The following B3GAT2 variants were observed in gnomAD, a reference collection of about 807,000 sequenced individuals.
B3GAT2 encodes beta-1,3-glucuronyltransferase 2, also known as galactosylgalactosylxylosylprotein 3-beta-glucuronosyltransferase 2.
B3GAT2 carries 26 observed loss-of-function variants against 27.8 expected under a neutral mutation model. The observed-to-expected ratio is 0.93, with a 90% CI of 0.68 to 1.30. The LOEUF (loss-of-function observed/expected upper bound fraction) is 1.30. Among genes scored for constraint, B3GAT2 ranks in the 50% most tolerant of loss-of-function variants. B3GAT2 has a pLI of 0.00. For missense variants in B3GAT2, 458 were observed against 459.0 expected (o/e 1.00, Z 0.02); for synonymous variants, 218 against 195.1 (o/e 1.12, Z -0.98).
intron 1 of B3GAT2, among the ~76,000 whole-genome samples, chr6:70,919,800 A>C (rs1437396891): frequency 1.3e-5 from 2 of 152,052 alleles, no homozygotes; most frequent in Non-Finnish European, 2.9e-5. Flanking sequence ...CGCCTGTATG[A>C]GATGTCTGTT....
At chr6:70,935,753 C>A (rs977054982) in intron 1 of B3GAT2, among the ~76,000 whole-genome samples, 1 of 152,068 alleles carries the variant, frequency 6.6e-6, no homozygotes, top group Non-Finnish European at 1.5e-5. Flanking sequence ...CTGAAGGAAG[C>A]ACTAAACATG....
chr6:70,947,371 T>A (rs1445275172), intron 1 of B3GAT2, among the ~76,000 whole-genome samples: 1 of 151,232 alleles, frequency 6.6e-6, no homozygotes, highest in Non-Finnish European at 1.5e-5. Context: ...AAAAATCAAA[T>A]AGACACAAAA....
At chr6:70,940,441 C>G (rs1765374500) in intron 1 of B3GAT2, among the ~76,000 whole-genome samples, 1 of 152,086 alleles carries the variant, frequency 6.6e-6, no homozygotes, top group South Asian at 2.1e-4. Context: ...ATATTCCTAA[C>G]CTTCCCAGCC....
At chr6:70,890,219 C>A (rs1411454191) in intron 2 of B3GAT2, among the ~76,000 whole-genome samples, 1 of 152,076 alleles carries the variant, frequency 6.6e-6, no homozygotes, top group Non-Finnish European at 1.5e-5. Flanking sequence ...CGCCACTGTC[C>A]ACCCTAACAC....
rs1435818198 is a variant in B3GAT2 at position 70,956,397 on chromosome 6, G to A, written c.33C>T (p.Ile11=). 3 of 1,553,104 alleles carry A rather than the reference G, an allele frequency of 1.9e-6. No individual in the cohort carries two copies. Among genetic ancestry groups the A allele is most frequent in the Admixed American group, 2.0e-5 (1 of 51,090 alleles). The change falls in exon 1 of 4, where the codon ATC becomes ATT. Residue 11 remains isoleucine (I), a synonymous_variant. Coordinates refer to ENST00000230053, the MANE Select transcript of B3GAT2 (RefSeq NM_080742.3). ...TGACAATTAGGATCCAGGGCAGGAGGATAAAGAAGCGGGTGAAAAGCGCGG... is the reference window on the plus strand; with the variant it reads ...TGACAATTAGGATCCAGGGCAGGAGAATAAAGAAGCGGGTGAAAAGCGCGG... MKSALFTRFF[I]LLPWILIVII...
At chr6:70,872,903 T>G (rs1771960119) in intron 2 of B3GAT2, among the ~76,000 whole-genome samples, 2 of 152,016 alleles carry the variant, frequency 1.3e-5, no homozygotes, top group South Asian at 4.1e-4. Flanking sequence ...TTCTAACAGT[T>G]TAGTTCAGAT....
rs139514119 is a variant in B3GAT2, at chr6:70,861,593, C to G, written c.*70G>C. The G allele has an allele frequency of 7.0e-3, 9,914 of 1,415,460 alleles. 57 individuals are homozygous for G. Among genetic ancestry groups the G allele is most frequent in the Middle Eastern group, 0.035 (196 of 5,542 alleles). 87.7% of individuals were successfully genotyped at this position (1,415,460 alleles called of 1,614,324 possible). On this transcript the variant is annotated 3_prime_UTR_variant, in exon 4 of 4. Coordinates refer to ENST00000230053, the MANE Select transcript of B3GAT2 (RefSeq NM_080742.3). Reference sequence around the variant, plus strand: ...CAAACAATACCTGAATGCTCTGTAGCCTAAACTCCAAACATCCTCTTCCAT... The same window carrying G: ...CAAACAATACCTGAATGCTCTGTAGGCTAAACTCCAAACATCCTCTTCCAT...
intron 1 of B3GAT2, among the ~76,000 whole-genome samples, chr6:70,901,139 T>C (rs1390968026): frequency 6.6e-6 from 1 of 152,336 alleles, no homozygotes; most frequent in East Asian, 1.9e-4. Flanking sequence ...AATACACCTA[T>C]AACTTTCCTT....
Position 70,860,523 on chromosome 6 carries a change from C to T in B3GAT2, c.*1140G>A. 1.9e-6 allele frequency: 1 copy of T among 534,828 alleles called. No homozygotes were observed. The allele number at this position is 534,828 out of a possible 1,614,324, so 33.1% of individuals were successfully genotyped here. A position where few individuals can be genotyped will look rare whatever the true frequency, so the allele number is the denominator to read the frequency against. On this transcript the variant is annotated 3_prime_UTR_variant, in exon 4 of 4. Transcript: ENST00000230053. Reference sequence around the variant, plus strand: ...TGTGGTGAAAAGCAGGTTGATAAATCATTTTATGTCAAGGGCAGCTTTGCT... The same window carrying T: ...TGTGGTGAAAAGCAGGTTGATAAATTATTTTATGTCAAGGGCAGCTTTGCT...
chr6:70,948,682 A>G (rs1377643497), intron 1 of B3GAT2, among the ~76,000 whole-genome samples: 2 of 151,776 alleles, frequency 1.3e-5, no homozygotes, highest in Non-Finnish European at 3.0e-5. Context: ...ATTCAATGCC[A>G]TCCCCATCAA....
At chr6:70,915,945 T>C (rs1282065902) in intron 1 of B3GAT2, among the ~76,000 whole-genome samples, 1 of 152,210 alleles carries the variant, frequency 6.6e-6, no homozygotes, top group African/African-American at 2.4e-5. Flanking sequence ...GTGAAGTCAG[T>C]GATAGCTTGA....
intron 1 of B3GAT2, among the ~76,000 whole-genome samples, chr6:70,939,220 T>G (rs1426925378): frequency 7.2e-6 from 1 of 138,558 alleles, no homozygotes; most frequent in Non-Finnish European, 1.6e-5. Context: ...CCAGTTAGAA[T>G]GGTGATCATT....
intron 1 of B3GAT2, among the ~76,000 whole-genome samples, chr6:70,929,455 G>A (rs893392744): frequency 1.3e-5 from 2 of 152,204 alleles, no homozygotes; most frequent in South Asian, 2.1e-4. Flanking sequence ...AAACCCCATC[G>A]TCTCAGCCCA....
intron 2 of B3GAT2, among the ~76,000 whole-genome samples, chr6:70,864,401 C>T (rs1179823678): frequency 1.3e-5 from 2 of 152,166 alleles, no homozygotes; most frequent in Non-Finnish European, 2.9e-5. Flanking sequence ...AAGTTAACAG[C>T]CAGTTGTGAA....
chr6:70,914,493 T>C (rs1413298756), intron 1 of B3GAT2, among the ~76,000 whole-genome samples: 1 of 152,232 alleles, frequency 6.6e-6, no homozygotes, highest in Non-Finnish European at 1.5e-5. Context: ...TAGTATTCCA[T>C]GGTATATATG....
In B3GAT2 at chr6:70,936,432, C is replaced by A. The variant is rs574420613; in HGVS notation, c.591+19407G>T. Among the ~76,000 whole-genome samples the A allele has an allele frequency of 8.5e-4, 129 of 151,890 alleles. 1 individual carries two copies. Among genetic ancestry groups the A allele is most frequent in the African/African-American group, 2.1e-3 (89 of 41,400 alleles). On this transcript the variant is annotated intron_variant, in intron 1 of 3. Transcript: ENST00000230053. The stretch of plus-strand genomic sequence containing the variant: ...TACACATCTAAAGAACTCTCCACCC[C>A]AAATCAACAGAAAATACATTTTTTT...
rs1405461927 is a variant in B3GAT2 at position 70,857,630 on chromosome 6, T to C, written c.*4033A>G. On this transcript the variant is annotated 3_prime_UTR_variant, in exon 4 of 4. Coordinates refer to ENST00000230053, the MANE Select transcript of B3GAT2 (RefSeq NM_080742.3). ...AAATCAGCAATAAAACAGTGTATGA[T>C]GTCATGCTACATAGTTTGGTCTTCA... 2.6e-6 allele frequency: 1 copy of C among 388,714 alleles called. No individual in the cohort carries two copies. Among genetic ancestry groups the C allele is most frequent in the Non-Finnish European group, 4.7e-6 (1 of 211,038 alleles). 24.1% of individuals were successfully genotyped at this position (388,714 alleles called of 1,614,324 possible).
At chr6:70,907,520 G>T (rs1772621606) in intron 1 of B3GAT2, among the ~76,000 whole-genome samples, 1 of 152,150 alleles carries the variant, frequency 6.6e-6, no homozygotes, top group South Asian at 2.1e-4. Flanking sequence ...ATGGAATGTG[G>T]CTTCTTGCTC....
intron 2 of B3GAT2, 177 bp from the exon 3 acceptor site, chr6:70,862,155 C>G: frequency 1.6e-6 from 1 of 620,274 alleles, no homozygotes. Flanking sequence ...GAAAATCAGT[C>G]ATTACAATAT....
Sources: gnomAD v4.1 joint callset for allele counts (sites outside exome capture counted in the v4.1 genomes callset) on GRCh38, gnomAD v4.1.1 for gene constraint, MANE v1.5 for transcripts, NCBI Gene and HGNC (gene_info 2026-07-23, HGNC 2026-07-21) for gene names.